Variants in TMEM232 observed in about 807,000 individuals in gnomAD.
TMEM232 encodes transmembrane protein 232.
In TMEM232, 80 loss-of-function variants were observed where a neutral mutation model predicts 78.8. The observed-to-expected ratio is 1.01, with a 90% confidence interval of 0.85 to 1.22. The LOEUF (loss-of-function observed/expected upper bound fraction) is 1.22. Ranked by LOEUF, TMEM232 falls within the 50% of genes most tolerant of loss-of-function variation. TMEM232 has a pLI of 0.00. For synonymous variants in TMEM232, 297 were observed against 254.3 expected (o/e 1.17, Z -1.60); for missense variants, 881 against 742.2 (o/e 1.19, Z -2.17).
chr5:110,591,698 C>T (rs1375905259), intron 10 of TMEM232, among the ~76,000 whole-genome samples: 29 of 151,934 alleles, frequency 1.9e-4, no homozygotes, highest in Non-Finnish European at 1.9e-4. Context: ...AAATTAAATG[C>T]TTTGATCTAG....
intron 1 of TMEM232, among the ~76,000 whole-genome samples, chr5:110,690,991 G>A (rs1440753697): frequency 2.0e-5 from 3 of 151,996 alleles, no homozygotes; most frequent in Middle Eastern, 3.4e-3. Context: ...GGGGGTAGGG[G>A]AGGGATAGCA....
At chr5:110,434,021 C>A (rs1051571512) in intron 12 of TMEM232, among the ~76,000 whole-genome samples, 1 of 151,434 alleles carries the variant, frequency 6.6e-6, no homozygotes, top group African/African-American at 2.4e-5. Context: ...TATCTTTCCT[C>A]CTTGATTTTT....
intron 8 of TMEM232, among the ~76,000 whole-genome samples, chr5:110,608,468 G>C (rs1289006287): frequency 1.3e-5 from 2 of 151,618 alleles, no homozygotes; most frequent in African/African-American, 4.8e-5. Flanking sequence ...TTAAAAGAGA[G>C]GATACTCATA....
At chr5:110,599,900 C>T (rs779249254) in intron 10 of TMEM232, among the ~76,000 whole-genome samples, 6 of 151,990 alleles carry the variant, frequency 3.9e-5, no homozygotes, top group Non-Finnish European at 5.9e-5. Context: ...ATTCTAAAAT[C>T]GACCACATAA....
At chr5:110,599,775 A>C (rs1780664152) in intron 10 of TMEM232, among the ~76,000 whole-genome samples, 1 of 152,182 alleles carries the variant, frequency 6.6e-6, no homozygotes, top group African/African-American at 2.4e-5. Flanking sequence ...GGAAATTAAC[A>C]AGGATATTCA....
intron 8 of TMEM232, among the ~76,000 whole-genome samples, chr5:110,616,475 C>T (rs556143971): frequency 6.6e-6 from 1 of 151,858 alleles, no homozygotes; most frequent in South Asian, 2.1e-4. Flanking sequence ...AAGAGACAAC[C>T]CACATATTTA....
At chr5:110,413,244 G>A (rs1296940803) in intron 2 of TMEM232, among the ~76,000 whole-genome samples, 2 of 152,142 alleles carry the variant, frequency 1.3e-5, no homozygotes, top group Non-Finnish European at 2.9e-5. Context: ...TGTTTCTCCC[G>A]TGCTGGATGC....
intron 2 of TMEM232, among the ~76,000 whole-genome samples, chr5:110,399,453 A>G (rs148260551): frequency 6.6e-6 from 1 of 152,268 alleles, no homozygotes; most frequent in East Asian, 1.9e-4. Context: ...TCCCTTTGGG[A>G]GACAATGAGG....
intron 11 of TMEM232, among the ~76,000 whole-genome samples, chr5:110,535,396 C>T (rs895416553): frequency 6.6e-6 from 1 of 152,102 alleles, no homozygotes; most frequent in Non-Finnish European, 1.5e-5. Context: ...ATAAAACGGC[C>T]CCACACCTAT....
chr5:110,395,244 G>C (rs533427436), intron 3 of TMEM232, among the ~76,000 whole-genome samples: 1 of 152,176 alleles, frequency 6.6e-6, no homozygotes, highest in East Asian at 1.9e-4. Flanking sequence ...AGAGTAATCT[G>C]TGCTTTCTCC....
chr5:110,524,432 AAAG>A (rs1770238293), intron 12 of TMEM232, among the ~76,000 whole-genome samples: 1 of 130,764 alleles, frequency 7.6e-6, no homozygotes, highest in African/African-American at 3.7e-5. Context: ...AAAGAAAAGA[AAAG>A]AAAAGAAAGG....
At chr5:110,702,926 G>A (rs956639964) in intron 1 of TMEM232, among the ~76,000 whole-genome samples, 1 of 152,022 alleles carries the variant, frequency 6.6e-6, no homozygotes. Flanking sequence ...GGAATGTTAT[G>A]AAAGCAAAAA....
chr5:110,705,288 GT>G, intron 1 of TMEM232, among the ~76,000 whole-genome samples: 2 of 152,236 alleles, frequency 1.3e-5, no homozygotes, highest in Middle Eastern at 3.4e-3. Context: ...ACAGCATTAG[GT>G]GCCATAGGGG....
intron 2 of TMEM232, among the ~76,000 whole-genome samples, chr5:110,398,203 T>C (rs1755465385): frequency 6.6e-6 from 1 of 152,192 alleles, no homozygotes; most frequent in South Asian, 2.1e-4. Context: ...TACAATAATT[T>C]ACAAATCTGT....
At chr5:110,387,472 A>G (rs1042577690) in intron 5 of TMEM232, 2 of 152,204 alleles carry the variant, frequency 1.3e-5, no homozygotes, top group African/African-American at 4.8e-5. Context: ...ATGTTTTCTG[A>G]TTCCCATATG....
chr5:110,729,697 A>T (rs143623945), upstream of TMEM232, among the ~76,000 whole-genome samples: 58 of 152,278 alleles, frequency 3.8e-4, no homozygotes, highest in African/African-American at 1.3e-3. Context: ...TGATAGCAGC[A>T]CCCTTACAGA....
rs141896422 is a variant in TMEM232 at position 110,692,804 on chromosome 5, A to C, written c.-12-25440T>G. Among the ~76,000 whole-genome samples the C allele has an allele frequency of 8.5e-3, 1,292 of 152,292 alleles. 16 individuals are homozygous for C. Among genetic ancestry groups the C allele is most frequent in the African/African-American group, 0.029 (1,219 of 41,572 alleles). On this transcript the variant is annotated intron_variant, in intron 1 of 13. Transcript: ENST00000455884. ...GAGTAGGTAAACAAAGTGGCCAAGA[A>C]GCTTGAACTGGGTAGAGCCCATCAC...
chr5:110,605,155 A>C lies in TMEM232; in HGVS notation c.1230T>G (p.Ser410Arg). The C allele has an allele frequency of 6.5e-7, 1 of 1,549,270 alleles. No individual in the cohort carries two copies. Among genetic ancestry groups the C allele is most frequent in the Non-Finnish European group, 8.7e-7 (1 of 1,145,648 alleles). Residue 410 changes from serine to arginine, a missense_variant, in exon 10 of 14, where the codon AGT becomes AGG. Ser to Arg is a moderately radical substitution (Grantham distance 110). Transcript: ENST00000455884. ...AGAAATATTCCAAAAGACTTAAAATACTTGTTTCCTTTAATTCTGGAGGTA... is the reference window on the plus strand; with the variant it reads ...AGAAATATTCCAAAAGACTTAAAATCCTTGTTTCCTTTAATTCTGGAGGTA... ...KSVPPELKETSILSLLEYFSS... is the reference protein window; with the variant it reads ...KSVPPELKETRILSLLEYFSS...
intron 12 of TMEM232, among the ~76,000 whole-genome samples, chr5:110,434,246 A>C (rs543063065): frequency 2.0e-5 from 3 of 151,536 alleles, no homozygotes; most frequent in African/African-American, 7.2e-5. Flanking sequence ...GAAAACAGAG[A>C]AGATTCAAAT....
Sources: allele counts gnomAD v4.1 joint callset (sites outside exome capture counted in the v4.1 genomes callset), GRCh38; gene constraint gnomAD v4.1.1; transcripts MANE v1.5; gene names NCBI Gene and HGNC (gene_info 2026-07-23, HGNC 2026-07-21).